The following DNAH14 variants were observed in gnomAD, a reference collection of about 807,000 sequenced individuals.
DNAH14 encodes axonemal beta dynein heavy chain 14.
In DNAH14, 478 loss-of-function variants were observed where a neutral mutation model predicts 520.9. That is an observed-to-expected ratio of 0.92 (90% CI 0.85 to 0.99). DNAH14 has a LOEUF of 0.99. Among genes scored for constraint, DNAH14 ranks in the 50% least tolerant of loss-of-function variants. The probability of loss-of-function intolerance (pLI) is 0.00; values close to 1 mark genes in which losing one functional copy is unlikely to be tolerated. For synonymous variants in DNAH14, 1,581 were observed against 1,757.2 expected, an observed-to-expected ratio of 0.90 and a Z score of 2.51; for missense variants, 4,831 against 5,234.5, an observed-to-expected ratio of 0.92 and a Z score of 2.38.
intron 61 of DNAH14, among the ~76,000 whole-genome samples, chr1:225,319,316 T>C (rs1244632935): frequency 1.3e-5 from 2 of 152,212 alleles, no homozygotes; most frequent in Non-Finnish European, 2.9e-5. Flanking sequence ...AGCCTATTAG[T>C]GCTAATTTGA....
intron 1 of DNAH14, among the ~76,000 whole-genome samples, chr1:224,945,790 G>A (rs1436224935): frequency 6.6e-6 from 1 of 152,292 alleles, no homozygotes; most frequent in African/African-American, 2.4e-5. Flanking sequence ...CAGCAGCAGA[G>A]GCCACAGAAC....
chr1:225,080,630 A>G lies in DNAH14; in HGVS notation c.3018A>G (p.Gln1006=). The G allele has an allele frequency of 6.4e-7, 1 of 1,552,084 alleles. No individual in the cohort carries two copies. Among genetic ancestry groups the G allele is most frequent in the Non-Finnish European group, 8.7e-7 (1 of 1,147,066 alleles). ...LTLRKKLWEA[Q]EEWKRASWEW... ...TGAGGAAAAAACTATGGGAAGCACA[A>G]GAGGAGTGGAAGCGAGCCTCTTGGG... is the stretch of plus-strand genomic sequence containing the variant. Residue 1006 remains glutamine (Q), a synonymous_variant, in exon 19 of 86, where the codon CAA becomes CAG. Coordinates refer to ENST00000682510, the MANE Select transcript of DNAH14 (RefSeq NM_001367479.1).
chr1:225,202,751 T>C (rs937985130), intron 38 of DNAH14, among the ~76,000 whole-genome samples: 3 of 152,006 alleles, frequency 2.0e-5, no homozygotes, highest in Admixed American at 2.0e-4. Flanking sequence ...GAGCTAGAGG[T>C]TTTCTTCTCC....
intron 46 of DNAH14, among the ~76,000 whole-genome samples, chr1:225,259,634 A>G (rs590744): frequency 0.2 from 30,128 of 152,134 alleles, 3,124 homozygotes; most frequent in East Asian, 0.37. Flanking sequence ...TGTGGTCACC[A>G]TGCTGTGCAA....
intron 61 of DNAH14, among the ~76,000 whole-genome samples, chr1:225,321,640 T>A (rs999049029): frequency 6.6e-6 from 1 of 152,178 alleles, no homozygotes; most frequent in African/African-American, 2.4e-5. Flanking sequence ...CATCACCCCC[T>A]TGTGATTTCT....
chr1:225,195,278 A>G (rs1168234303), intron 38 of DNAH14, among the ~76,000 whole-genome samples: 1 of 152,206 alleles, frequency 6.6e-6, no homozygotes, highest in African/African-American at 2.4e-5. Flanking sequence ...TCAATGGTAG[A>G]CTGGATAAAG....
chr1:225,210,567 G>T (rs1574009550), intron 41 of DNAH14, among the ~76,000 whole-genome samples: 2 of 151,860 alleles, frequency 1.3e-5, no homozygotes, highest in Admixed American at 6.5e-5. Flanking sequence ...TGGGGGAAGG[G>T]TTGGCTGCTG....
At chr1:225,041,529 G>C (rs1257583943) in intron 12 of DNAH14, among the ~76,000 whole-genome samples, 1 of 152,204 alleles carries the variant, frequency 6.6e-6, no homozygotes, top group Non-Finnish European at 1.5e-5. Flanking sequence ...GATGTGCACA[G>C]ACCCATGAGT....
intron 36 of DNAH14, among the ~76,000 whole-genome samples, chr1:225,170,091 G>A (rs1326257809): frequency 6.6e-6 from 1 of 152,086 alleles, no homozygotes; most frequent in Non-Finnish European, 1.5e-5. Flanking sequence ...TCACCACCAG[G>A]CCTGCCCTAC....
intron 60 of DNAH14, among the ~76,000 whole-genome samples, chr1:225,310,322 T>G (rs942240404): frequency 5.3e-5 from 8 of 152,106 alleles, no homozygotes; most frequent in African/African-American, 1.7e-4. Context: ...CAATTAGATA[T>G]GAAACTAAAT....
At chr1:225,332,065 G>T (rs1225319498) in intron 65 of DNAH14, among the ~76,000 whole-genome samples, 1 of 151,938 alleles carries the variant, frequency 6.6e-6, no homozygotes. Context: ...ATTTTATTTT[G>T]TTCTGTCAGC....
intron 11 of DNAH14, among the ~76,000 whole-genome samples, chr1:225,037,552 A>G (rs2067083044): frequency 6.6e-6 from 1 of 151,954 alleles, no homozygotes. Context: ...CTTAACTTTT[A>G]TTGTTTCTTT....
chr1:225,330,195 A>G (rs1409391627), intron 64 of DNAH14, among the ~76,000 whole-genome samples: 4 of 152,168 alleles, frequency 2.6e-5, no homozygotes, highest in Non-Finnish European at 4.4e-5. Flanking sequence ...ACCCTTATAC[A>G]CTGCTCGTGG....
chr1:225,179,185 T>A (rs2083682887), intron 36 of DNAH14, among the ~76,000 whole-genome samples: 1 of 152,250 alleles, frequency 6.6e-6, no homozygotes, highest in Non-Finnish European at 1.5e-5. Flanking sequence ...AATATTTGCT[T>A]TAATTGGAGA....
At chr1:225,380,090 T>C in intron 79 of DNAH14, 69 bp from the exon 80 acceptor site, 1 of 1,471,528 alleles carries the variant, frequency 6.8e-7, no homozygotes, top group Non-Finnish European at 9.1e-7. Flanking sequence ...CTTGAATCCT[T>C]TAACAAATCT....
At chr1:225,175,023 T>C (rs1471044299) in intron 36 of DNAH14, among the ~76,000 whole-genome samples, 1 of 152,222 alleles carries the variant, frequency 6.6e-6, no homozygotes, top group Non-Finnish European at 1.5e-5. Flanking sequence ...CTGGGATGAA[T>C]CCCTCTTGAT....
At chr1:225,094,003 A>T (rs545431249) in intron 21 of DNAH14, among the ~76,000 whole-genome samples, 1 of 152,318 alleles carries the variant, frequency 6.6e-6, no homozygotes, top group East Asian at 1.9e-4. Flanking sequence ...AGAGAAAACC[A>T]TTCCATGCTC....
chr1:225,000,464 T>C (rs1285044542), intron 8 of DNAH14, among the ~76,000 whole-genome samples: 8 of 150,388 alleles, frequency 5.3e-5, no homozygotes, highest in Non-Finnish European at 3.0e-5. Context: ...TTTCTTCAAG[T>C]ATTTTTTTTT....
intron 11 of DNAH14, among the ~76,000 whole-genome samples, chr1:225,036,898 G>C (rs185509770): frequency 6.6e-6 from 1 of 152,118 alleles, no homozygotes; most frequent in East Asian, 1.9e-4. Context: ...TTATATCTGT[G>C]TGCTCCAGTG....
Sources: allele counts gnomAD v4.1 joint callset (sites outside exome capture counted in the v4.1 genomes callset), GRCh38; gene constraint gnomAD v4.1.1; transcripts MANE v1.5; gene names NCBI Gene and HGNC (gene_info 2026-07-23, HGNC 2026-07-21).